Variants in ZNF492 observed in about 807,000 individuals in gnomAD.
ZNF492 encodes zinc finger protein 492.
A neutral mutation model predicts 6.4 loss-of-function variants in ZNF492; 3 were observed. The ratio of observed to expected loss-of-function variants is 0.47; its 90% CI spans 0.21 to 1.22. ZNF492 has a LOEUF of 1.22. Among genes scored for constraint, ZNF492 ranks in the 50% most tolerant of loss-of-function variants. The probability of loss-of-function intolerance (pLI) is 0.22; values close to 1 mark genes in which losing one functional copy is unlikely to be tolerated. For missense variants in ZNF492, 356 were observed against 612.5 expected (o/e 0.58, Z 4.42); for synonymous variants, 112 against 205.3 (o/e 0.55, Z 3.89).
In ZNF492 at chr19:22,634,492, G is replaced by A; in HGVS notation, c.-94+18G>A. 1 of 1,375,716 alleles carries A rather than the reference G, an allele frequency of 7.3e-7. No homozygotes were observed. The highest frequency in any genetic ancestry group is 1.5e-5 in the African/African-American group (1 of 68,216). The allele number at this position is 1,375,716 out of a possible 1,614,324, so 85.2% of individuals were successfully genotyped here. On this transcript the variant is annotated intron_variant, in intron 1 of 3. Transcript: ENST00000456783. ...TAGAAACGGTGAGAGTGCCGGGTCC[G>A]ACATCCCGAGAGAGGGGAAGGGGCT... is the stretch of plus-strand genomic sequence containing the variant.
intron 1 of ZNF492, among the ~76,000 whole-genome samples, chr19:22,637,735 G>A (rs561736537): frequency 6.1e-4 from 93 of 152,246 alleles, no homozygotes; most frequent in Non-Finnish European, 1.2e-3. Context: ...CTGGTTATAT[G>A]CCCAATTATG....
chr19:22,655,810 C>CTTTTTT (rs1568355644), intron 3 of ZNF492, among the ~76,000 whole-genome samples: 15 of 59,354 alleles, frequency 2.5e-4, no homozygotes, highest in African/African-American at 1.1e-3. Flanking sequence ...TCAAGTTTTT[C>CTTTTTT]TTGTTGTTTT....
At chr19:22,656,861 TA>T (rs1972001708) in intron 3 of ZNF492, among the ~76,000 whole-genome samples, 1 of 152,100 alleles carries the variant, frequency 6.6e-6, no homozygotes. Flanking sequence ...TAAGGGCACT[TA>T]TTTTGGAGAT....
Position 22,664,317 on chromosome 19 carries a change from G to A in ZNF492, c.648G>A (p.Lys216=). The A allele has an allele frequency of 3.2e-6, 5 of 1,572,524 alleles. No homozygotes were observed. Among genetic ancestry groups the A allele is most frequent in the Non-Finnish European group, 3.4e-6 (4 of 1,159,992 alleles). The part of the protein sequence containing the change: ...FNRLSHLTTH[K]IIHTGKKPYK... ...GGCTCTCACACCTTACTACACATAA[G>A]ATAATTCATACTGGAAAGAAACCCT... The change falls in exon 4 of 4, where the codon AAG becomes AAA. Residue 216 remains lysine (K), a synonymous_variant. Coordinates refer to ENST00000456783, the MANE Select transcript of ZNF492 (RefSeq NM_020855.3).
chr19:22,638,944 G>T (rs1260828124), intron 1 of ZNF492, among the ~76,000 whole-genome samples: 1 of 152,030 alleles, frequency 6.6e-6, no homozygotes, highest in African/African-American at 2.4e-5. Context: ...CCGGGTTCAA[G>T]CAATTCTCTC....
In ZNF492 at chr19:22,666,760, T is replaced by C. The variant is rs2145268060; in HGVS notation, c.*1495T>C. 1 of 152,318 alleles carries C rather than the reference T, an allele frequency of 6.6e-6. No individual in the cohort carries two copies. Among genetic ancestry groups the C allele is most frequent in the South Asian group, 2.1e-4 (1 of 4,828 alleles). The allele number at this position is 152,318 out of a possible 1,614,324, so 9.4% of individuals were successfully genotyped here. On this transcript the variant is annotated 3_prime_UTR_variant, in exon 4 of 4. Coordinates refer to ENST00000456783, the MANE Select transcript of ZNF492 (RefSeq NM_020855.3). ...TTAAAATTAAAAATAAATTAGTATA[T>C]TATTTTACTAATTTTACTTTTATGA...
chr19:22,647,423 A>AT lies in ZNF492; in HGVS notation c.-93-5873dup, dbSNP rs999644033. ...AGGTGCCCGCCACTACACCCAGTTA[A>AT]TTTTTTTTTTTAATTTTTATTAGAG... is the stretch of plus-strand genomic sequence containing the variant. On this transcript the variant is annotated intron_variant, in intron 1 of 3. Transcript: ENST00000456783. Among the ~76,000 whole-genome samples the AT allele has an allele frequency of 2.4e-4, 34 of 143,632 alleles. 1 individual carries two copies. The highest frequency in any genetic ancestry group is 1.8e-3 in the South Asian group (8 of 4,466). The allele number at this position is 143,632 out of a possible 152,430, so 94.2% of individuals were successfully genotyped here.
At chr19:22,659,655 T>G (rs915808712) in intron 3 of ZNF492, among the ~76,000 whole-genome samples, 7 of 132,410 alleles carry the variant, frequency 5.3e-5, no homozygotes, top group Non-Finnish European at 8.1e-5. Context: ...TCTGAAGTGG[T>G]TTTTTTTTGT....
In ZNF492 at chr19:22,665,345, T is replaced by G. The variant is rs1972113640; in HGVS notation, c.*80T>G. The G allele has an allele frequency of 2.0e-6, 3 of 1,498,472 alleles. No individual in the cohort carries two copies. In the African/African-American group the frequency reaches 4.2e-5, roughly 21 times the overall value. The allele number at this position is 1,498,472 out of a possible 1,614,324, so 92.8% of individuals were successfully genotyped here. A position where few individuals can be genotyped will look rare whatever the true frequency, so the allele number is the denominator to read the frequency against. On this transcript the variant is annotated 3_prime_UTR_variant, in exon 4 of 4. Transcript: ENST00000456783. ...AAGGTAATTCATTCTGGAGAAAACT[T>G]CTACAAGTGTGAATGAACAGTGTGG...
At chr19:22,653,170 A>C (rs1387986451) in intron 1 of ZNF492, 137 bp from the exon 2 acceptor site, 5 of 1,016,464 alleles carry the variant, frequency 4.9e-6, no homozygotes, top group Non-Finnish European at 7.1e-6. Context: ...TCTGTGCTGA[A>C]AGTTATTTAT....
At position 22,665,412 on chromosome 19, in the gene ZNF492, C is replaced by T. The variant is rs1464024079; in HGVS notation, c.*147C>T. The T allele has an allele frequency of 2.8e-6, 4 of 1,429,742 alleles. No homozygotes were observed. In the African/African-American group the frequency reaches 5.8e-5, roughly 21 times the overall value. The allele number at this position is 1,429,742 out of a possible 1,614,324, so 88.6% of individuals were successfully genotyped here. On this transcript the variant is annotated 3_prime_UTR_variant, in exon 4 of 4. Transcript: ENST00000456783. ...CTCAAACCTTATTGCACAGGAAAGC[C>T]TTTATACTTGAGAACAAATGTACAA...
intron 1 of ZNF492, among the ~76,000 whole-genome samples, chr19:22,652,931 A>G (rs185473325): frequency 2.0e-5 from 3 of 152,170 alleles, no homozygotes; most frequent in Non-Finnish European, 4.4e-5. Context: ...TTTATTGTAC[A>G]CATTAACATG....
intron 1 of ZNF492, among the ~76,000 whole-genome samples, chr19:22,639,307 G>T (rs1424824943): frequency 2.6e-5 from 4 of 152,166 alleles, no homozygotes; most frequent in Non-Finnish European, 5.9e-5. Context: ...AAGGGGTTCT[G>T]TTTTTGATTT....
At chr19:22,649,359 C>T (rs140713564) in intron 1 of ZNF492, among the ~76,000 whole-genome samples, 42 of 152,228 alleles carry the variant, frequency 2.8e-4, no homozygotes, top group African/African-American at 9.9e-4. Flanking sequence ...CTACCCTTAA[C>T]ATTTTTTTGT....
chr19:22,659,725 G>T (rs1486673872), intron 3 of ZNF492, among the ~76,000 whole-genome samples: 1 of 148,946 alleles, frequency 6.7e-6, no homozygotes, highest in African/African-American at 2.5e-5. Context: ...GAGTGCAGTG[G>T]TGTGATCTCG....
chr19:22,634,333 T>C lies in ZNF492; in HGVS notation c.-235T>C. On this transcript the variant is annotated 5_prime_UTR_variant, in exon 1 of 4. Coordinates refer to ENST00000456783, the MANE Select transcript of ZNF492 (RefSeq NM_020855.3). The stretch of plus-strand genomic sequence containing the variant: ...TCCGGGATGTGGCGGGGTCTTTGTC[T>C]CTCGCTGCAGTCGGAGTATGGTCTA... 1.0e-6 allele frequency: 1 copy of C among 955,738 alleles called. No homozygotes were observed. Among genetic ancestry groups the C allele is most frequent in the Non-Finnish European group, 1.6e-6 (1 of 641,678 alleles). 59.2% of individuals were successfully genotyped at this position (955,738 alleles called of 1,614,324 possible).
chr19:22,665,996 A>T lies in ZNF492; in HGVS notation c.*731A>T, dbSNP rs1972121655. 6.6e-6 allele frequency: 1 copy of T among 152,150 alleles called. No homozygotes were observed. The highest frequency in any genetic ancestry group is 2.1e-4 in the South Asian group (1 of 4,836). 9.4% of individuals were successfully genotyped at this position (152,150 alleles called of 1,614,324 possible). On this transcript the variant is annotated 3_prime_UTR_variant, in exon 4 of 4. Transcript: ENST00000456783. ...AATTATTTGTTTATAACTTTAAAAG[A>T]GTAGAAGATTTTTTGGAGAGTTACA...
At position 22,634,428 on chromosome 19, in the gene ZNF492, G is replaced by A; in HGVS notation, c.-140G>A. On this transcript the variant is annotated 5_prime_UTR_variant, in exon 1 of 4. Coordinates refer to ENST00000456783, the MANE Select transcript of ZNF492 (RefSeq NM_020855.3). The stretch of plus-strand genomic sequence containing the variant: ...GTGGCCCTGTGACCTGCAGGTATTG[G>A]GAGATCCACAGCTAAGACGCTAGGA... 1.4e-6 allele frequency: 2 copies of A among 1,384,564 alleles called. No homozygotes were observed. The highest frequency in any genetic ancestry group is 2.0e-6 in the Non-Finnish European group (2 of 986,426). The allele number at this position is 1,384,564 out of a possible 1,614,324, so 85.8% of individuals were successfully genotyped here.
chr19:22,637,019 C>T (rs1449106603), intron 1 of ZNF492, among the ~76,000 whole-genome samples: 4 of 139,850 alleles, frequency 2.9e-5, no homozygotes, highest in African/African-American at 8.5e-5. Flanking sequence ...TGAAGTGGTG[C>T]AGTTTGACTC....
Sources: gnomAD v4.1 joint callset for allele counts (sites outside exome capture counted in the v4.1 genomes callset) on GRCh38, gnomAD v4.1.1 for gene constraint, MANE v1.5 for transcripts, NCBI Gene and HGNC (gene_info 2026-07-23, HGNC 2026-07-21) for gene names.